The following AAK1 variants were observed in gnomAD, a reference collection of about 807,000 sequenced individuals.
AAK1 encodes AP2 associated kinase 1.
In AAK1, 37 loss-of-function variants were observed where a neutral mutation model predicts 116.0. The ratio of observed to expected loss-of-function variants is 0.32; its 90% CI spans 0.25 to 0.42. The LOEUF (loss-of-function observed/expected upper bound fraction) is 0.42. AAK1 is among the 10% of genes least tolerant of loss of function. AAK1 has a pLI of 1.00. For missense variants in AAK1, 919 were observed against 1,170.6 expected, an observed-to-expected ratio of 0.79 and a Z score of 3.14; for synonymous variants, 458 against 439.9, an observed-to-expected ratio of 1.04 and a Z score of -0.51.
chr2:69,581,692 T>C (rs1251991584), intron 2 of AAK1, among the ~76,000 whole-genome samples: 2 of 152,190 alleles, frequency 1.3e-5, no homozygotes, highest in East Asian at 3.8e-4. Context: ...TAGATCTTTT[T>C]TGGGCTGGGC....
intron 2 of AAK1, among the ~76,000 whole-genome samples, chr2:69,559,786 G>A (rs554581149): frequency 6.6e-6 from 1 of 152,186 alleles, no homozygotes; most frequent in Non-Finnish European, 1.5e-5. Context: ...ACAAAAGGTG[G>A]GAATAGGTAT....
At chr2:69,480,731 A>T (rs1675054666) in intron 19 of AAK1, 129 bp downstream of exon 19, 1 of 656,106 alleles carries the variant, frequency 1.5e-6, no homozygotes, top group Non-Finnish European at 2.5e-6. Flanking sequence ...GACAATTCAG[A>T]GTGTCCATTT....
chr2:69,519,162 TGCG>T lies in AAK1; in HGVS notation c.1286_1288del (p.Pro429del). On this transcript the variant is annotated inframe_deletion, in exon 12 of 22. Coordinates refer to ENST00000409085, the MANE Select transcript of AAK1 (RefSeq NM_014911.5). ...AGCCTGTGGCTGCTTGGCCTGAGTTTGCGGCAGAGGCTGGCTGGGTGGGGCTTG... is the reference window on the plus strand; with the variant it reads ...AGCCTGTGGCTGCTTGGCCTGAGTTTGCAGAGGCTGGCTGGGTGGGGCTTG... 6.3e-7 allele frequency: 1 copy of T among 1,583,562 alleles called. No individual in the cohort carries two copies. Among genetic ancestry groups the T allele is most frequent in the Non-Finnish European group, 8.6e-7 (1 of 1,164,502 alleles).
Position 69,531,075 on chromosome 2 carries a change from AAC to A in AAK1, c.657-371_657-370del, listed in dbSNP as rs1049300820. On this transcript the variant is annotated intron_variant, in intron 6 of 21. Transcript: ENST00000409085. ...TAAAAATGGCCTTTACATGTGGCTCAACACAGAGATGTAATACTGACTGTGGT... is the reference window on the plus strand; with the variant it reads ...TAAAAATGGCCTTTACATGTGGCTCAACAGAGATGTAATACTGACTGTGGT... 1.6e-4 allele frequency among the ~76,000 whole-genome samples: 24 copies of A among 152,216 alleles called. 1 individual carries two copies. The highest frequency in any genetic ancestry group is 2.9e-5 in the Non-Finnish European group (2 of 68,034).
At chr2:69,554,036 C>T (rs545792964) in intron 3 of AAK1, among the ~76,000 whole-genome samples, 1 of 151,550 alleles carries the variant, frequency 6.6e-6, no homozygotes, top group Admixed American at 6.6e-5. Flanking sequence ...ATGATTGTGC[C>T]ACTACGCTCC....
chr2:69,509,971 C>T (rs925775550), intron 13 of AAK1, among the ~76,000 whole-genome samples: 3 of 152,186 alleles, frequency 2.0e-5, no homozygotes, highest in African/African-American at 4.8e-5. Context: ...TCTGCCATAG[C>T]GAGACCACAG....
intron 2 of AAK1, among the ~76,000 whole-genome samples, chr2:69,605,431 T>G (rs1301812738): frequency 6.6e-6 from 1 of 152,234 alleles, no homozygotes; most frequent in Non-Finnish European, 1.5e-5. Flanking sequence ...ATGCATTTTT[T>G]CTAACTTTTT....
At chr2:69,615,753 G>A (rs949367014) in intron 2 of AAK1, among the ~76,000 whole-genome samples, 1 of 152,168 alleles carries the variant, frequency 6.6e-6, no homozygotes, top group African/African-American at 2.4e-5. Context: ...ACTTACTGGT[G>A]GGAGTTCAAT....
chr2:69,634,104 A>G (rs1675342357), intron 2 of AAK1, among the ~76,000 whole-genome samples: 2 of 152,226 alleles, frequency 1.3e-5, no homozygotes, highest in African/African-American at 4.8e-5. Context: ...TGAGAGGCAG[A>G]GGTTGCAGTG....
At position 69,472,736 on chromosome 2, in the gene AAK1, T is replaced by C. The variant is rs1674722640; in HGVS notation, c.*3133A>G. ...GGAATAAAAGCAAATCAGAAACATA[T>C]GCTTATAGTATTTGCCCGTTTTAAA... is the stretch of plus-strand genomic sequence containing the variant. On this transcript the variant is annotated 3_prime_UTR_variant, in exon 22 of 22. Transcript: ENST00000409085. 4 of 985,338 alleles carry C rather than the reference T, an allele frequency of 4.1e-6. 1 individual carries two copies. The South Asian group carries it at 1.9e-4, about 46-fold the overall frequency. The allele number at this position is 985,338 out of a possible 1,614,324, so 61.0% of individuals were successfully genotyped here. A position where few individuals can be genotyped will look rare whatever the true frequency, so the allele number is the denominator to read the frequency against.
At chr2:69,537,406 G>T (rs1232171014) in intron 5 of AAK1, among the ~76,000 whole-genome samples, 1 of 152,176 alleles carries the variant, frequency 6.6e-6, no homozygotes, top group Non-Finnish European at 1.5e-5. Flanking sequence ...AGGGCAAGGG[G>T]GGTTTCCTCA....
intron 2 of AAK1, among the ~76,000 whole-genome samples, chr2:69,602,572 G>A (rs1463572099): frequency 6.6e-6 from 1 of 152,108 alleles, no homozygotes; most frequent in Non-Finnish European, 1.5e-5. Flanking sequence ...TTTTTCTACT[G>A]TTTATGTAAC....
At chr2:69,600,148 C>T (rs1171261153) in intron 2 of AAK1, among the ~76,000 whole-genome samples, 1 of 151,858 alleles carries the variant, frequency 6.6e-6, no homozygotes, top group Non-Finnish European at 1.5e-5. Context: ...TATAGAATGC[C>T]AAGCAGTATG....
rs1430073056 is a variant in AAK1, at chr2:69,535,993, C to T, written c.535-3831G>A. 3.9e-5 allele frequency among the ~76,000 whole-genome samples: 6 copies of T among 152,210 alleles called. No individual in the cohort carries two copies. The East Asian group carries it at 1.2e-3, about 29-fold the overall frequency. On this transcript the variant is annotated intron_variant, in intron 5 of 21. Transcript: ENST00000409085. ...CCAGACACTGCTCCACGCGCTTTTACCTAGAGTATTTCATATAATCCTTAC... is the reference window on the plus strand; with the variant it reads ...CCAGACACTGCTCCACGCGCTTTTATCTAGAGTATTTCATATAATCCTTAC...
intron 16 of AAK1, among the ~76,000 whole-genome samples, chr2:69,498,644 G>A (rs1675849850): frequency 6.6e-6 from 1 of 152,146 alleles, no homozygotes; most frequent in East Asian, 1.9e-4. Context: ...ACCTCCTCAG[G>A]GCACGCAAGA....
intron 2 of AAK1, among the ~76,000 whole-genome samples, chr2:69,594,066 G>T (rs1673154456): frequency 6.6e-6 from 1 of 152,204 alleles, no homozygotes; most frequent in Non-Finnish European, 1.5e-5. Context: ...GACTGAGGGA[G>T]GGGACAGGGT....
rs1173014857 is a variant in AAK1 at position 69,468,175 on chromosome 2, C to T, written c.*7694G>A. 40 of 985,194 alleles carry T rather than the reference C, an allele frequency of 4.1e-5. No homozygotes were observed. The highest frequency in any genetic ancestry group is 4.2e-5 in the Non-Finnish European group (35 of 829,920). The allele number at this position is 985,194 out of a possible 1,614,324, so 61.0% of individuals were successfully genotyped here. ...TAGTATGTGCAGCTACATGGTGATA[C>T]GAAAGCATCAGTCAGTGGACAGGAA... On this transcript the variant is annotated 3_prime_UTR_variant, in exon 22 of 22. Coordinates refer to ENST00000409085, the MANE Select transcript of AAK1 (RefSeq NM_014911.5).
At chr2:69,609,150 T>C (rs2105212425) in intron 2 of AAK1, among the ~76,000 whole-genome samples, 1 of 152,050 alleles carries the variant, frequency 6.6e-6, no homozygotes, top group East Asian at 1.9e-4. Context: ...TCACTTGAGG[T>C]CAGGAGTTCA....
intron 12 of AAK1, among the ~76,000 whole-genome samples, chr2:69,516,417 C>G (rs1426288062): frequency 6.6e-6 from 1 of 151,454 alleles, no homozygotes; most frequent in Admixed American, 6.6e-5. Context: ...TATTCTCCAA[C>G]AAAACAAAAC....
Sources: allele counts gnomAD v4.1 joint callset (sites outside exome capture counted in the v4.1 genomes callset), GRCh38; gene constraint gnomAD v4.1.1; transcripts MANE v1.5; gene names NCBI Gene and HGNC (gene_info 2026-07-23, HGNC 2026-07-21).